Variants in RAPGEF6 observed in about 807,000 individuals in gnomAD.
RAPGEF6 encodes Rap guanine nucleotide exchange factor 6.
A neutral mutation model predicts 171.4 loss-of-function variants in RAPGEF6; 56 were observed. That is an observed-to-expected ratio of 0.33 (90% confidence interval 0.26 to 0.41). The LOEUF is 0.41. Ranked by LOEUF, RAPGEF6 falls within the 10% of genes least tolerant of loss-of-function variation. The pLI is 1.00. For synonymous variants in RAPGEF6, 692 were observed against 650.1 expected (o/e 1.06, Z -0.98); for missense variants, 1,674 against 1,921.4 (o/e 0.87, Z 2.41).
At chr5:131,565,078 T>A (rs962717023) in intron 4 of RAPGEF6, among the ~76,000 whole-genome samples, 11 of 152,172 alleles carry the variant, frequency 7.2e-5, no homozygotes, top group Non-Finnish European at 1.5e-4. Flanking sequence ...GGCACTAATA[T>A]AAACTCTCAA....
At chr5:131,569,460 G>A (rs774207496) in intron 4 of RAPGEF6, among the ~76,000 whole-genome samples, 13 of 151,892 alleles carry the variant, frequency 8.6e-5, no homozygotes, top group Non-Finnish European at 1.8e-4. Context: ...GCAATTCAAT[G>A]GGGAAAAAAA....
chr5:131,491,746 G>C (rs922041575), intron 14 of RAPGEF6, among the ~76,000 whole-genome samples: 9 of 152,162 alleles, frequency 5.9e-5, no homozygotes, highest in African/African-American at 1.9e-4. Flanking sequence ...CTGAATGCCT[G>C]ATGACCTGAG....
intron 1 of RAPGEF6, among the ~76,000 whole-genome samples, chr5:131,630,515 T>C (rs923432175): frequency 7.2e-5 from 11 of 152,222 alleles, no homozygotes; most frequent in African/African-American, 2.7e-4. Context: ...TAATTGTCCA[T>C]GGAGTATTTA....
At chr5:131,484,742 T>C (rs1755757567) in intron 15 of RAPGEF6, among the ~76,000 whole-genome samples, 1 of 152,116 alleles carries the variant, frequency 6.6e-6, no homozygotes, top group Non-Finnish European at 1.5e-5. Context: ...CAGATTATGG[T>C]AATAATAGAA....
chr5:131,439,800 T>C, intron 23 of RAPGEF6, 85 bp from the exon 24 acceptor site: 17 of 1,529,120 alleles, frequency 1.1e-5, no homozygotes, highest in Non-Finnish European at 1.5e-5. Context: ...TAACTAACAC[T>C]ATGATGCACA....
chr5:131,597,635 T>A (rs1763979063), intron 3 of RAPGEF6, among the ~76,000 whole-genome samples: 1 of 152,054 alleles, frequency 6.6e-6, no homozygotes, highest in African/African-American at 2.4e-5. Flanking sequence ...CACTTATACG[T>A]GGAATCTAAA....
At chr5:131,618,957 C>A (rs1174653628) in intron 1 of RAPGEF6, among the ~76,000 whole-genome samples, 4 of 150,702 alleles carry the variant, frequency 2.7e-5, no homozygotes, top group African/African-American at 9.8e-5. Flanking sequence ...TTAATCTAAT[C>A]ATGAGAAAAC....
At chr5:131,562,141 G>A (rs1319365907) in intron 4 of RAPGEF6, 94 bp from the exon 5 acceptor site, 18 of 789,358 alleles carry the variant, frequency 2.3e-5, no homozygotes, top group Non-Finnish European at 3.4e-5. Context: ...AAAAAGCCCT[G>A]AGATATTATC....
intron 1 of RAPGEF6, among the ~76,000 whole-genome samples, chr5:131,623,427 C>A (rs1478613491): frequency 6.6e-6 from 1 of 151,492 alleles, no homozygotes; most frequent in Non-Finnish European, 1.5e-5. Context: ...AAATATTAGA[C>A]CAGTAGAAAT....
rs1021034526 is a variant in RAPGEF6 at position 131,433,652 on chromosome 5, G to A, written c.3752C>T (p.Thr1251Ile). The A allele has an allele frequency of 5.0e-6, 8 of 1,602,276 alleles. No homozygotes were observed. The African/African-American group carries it at 8.0e-5, about 16-fold the overall frequency. Reference protein sequence around the residue: ...SPQGSPHKGYTLIPSAKSDNL... With the variant: ...SPQGSPHKGYILIPSAKSDNL... ...GTCAGATTTAGCTGATGGAATAAGT[G>A]TGTAACCTGAACAAGAAAAGAGCAC... is the stretch of plus-strand genomic sequence containing the variant. Residue 1251 changes from threonine (T) to isoleucine (I), a missense_variant, in exon 25 of 28, where the codon ACA becomes ATA. Around this residue, in one of 3 missense-constraint regions of RAPGEF6, gnomAD observed 552 missense variants for 574.2 expected, o/e 0.96. Transcript: ENST00000509018.
chr5:131,580,494 C>G (rs193088076), intron 4 of RAPGEF6, among the ~76,000 whole-genome samples: 1 of 152,262 alleles, frequency 6.6e-6, no homozygotes. Context: ...AGTGCAGCGG[C>G]GGGCTGAAGG....
intron 3 of RAPGEF6, among the ~76,000 whole-genome samples, chr5:131,592,703 G>A (rs752718332): frequency 2.0e-4 from 31 of 152,188 alleles, no homozygotes; most frequent in Admixed American, 5.2e-4. Context: ...TACTTAAAGT[G>A]AATAAAGTAT....
At chr5:131,617,324 T>C (rs1303468777) in intron 1 of RAPGEF6, among the ~76,000 whole-genome samples, 2 of 152,132 alleles carry the variant, frequency 1.3e-5, no homozygotes, top group African/African-American at 2.4e-5. Flanking sequence ...AAACCCAATT[T>C]GGACTCTGGA....
intron 4 of RAPGEF6, among the ~76,000 whole-genome samples, chr5:131,586,465 T>C (rs1241594568): frequency 6.6e-6 from 1 of 152,180 alleles, no homozygotes; most frequent in Non-Finnish European, 1.5e-5. Context: ...ACCCTGTCTC[T>C]ACTAAAAATA....
intron 5 of RAPGEF6, among the ~76,000 whole-genome samples, chr5:131,558,387 C>T (rs1761376425): frequency 6.6e-6 from 1 of 151,984 alleles, no homozygotes; most frequent in African/African-American, 2.4e-5. Flanking sequence ...TTTTGATTAT[C>T]TTTGACGGGT....
intron 15 of RAPGEF6, among the ~76,000 whole-genome samples, chr5:131,481,850 C>T (rs1755507379): frequency 6.6e-6 from 1 of 152,168 alleles, no homozygotes; most frequent in South Asian, 2.1e-4. Flanking sequence ...TTACATACAG[C>T]TTTGAGCAGT....
chr5:131,549,762 T>C, intron 5 of RAPGEF6, among the ~76,000 whole-genome samples: 1 of 152,180 alleles, frequency 6.6e-6, no homozygotes, highest in Admixed American at 6.5e-5. Context: ...AGCACAGGTT[T>C]ATTACGCAGG....
chr5:131,498,704 G>C, intron 11 of RAPGEF6, 97 bp from the exon 12 acceptor site: 1 of 1,126,990 alleles, frequency 8.9e-7, no homozygotes, highest in African/African-American at 1.6e-5. Context: ...TACTCCATTA[G>C]ACAAATCGTC....
Position 131,510,502 on chromosome 5 carries a change from A to T in RAPGEF6, c.628-11T>A, listed in dbSNP as rs1456462739. 4 of 1,608,028 alleles carry T rather than the reference A, an allele frequency of 2.5e-6. No homozygotes were observed. Among genetic ancestry groups the T allele is most frequent in the Non-Finnish European group, 3.4e-6 (4 of 1,177,676 alleles). On this transcript the variant is annotated splice_polypyrimidine_tract_variant and intron_variant, in intron 7 of 27. Transcript: ENST00000509018. ...CTCACTCTCCGTAGCCTATGAAAAG[A>T]AATCTTGATCACTTACCATTTCATG...
Sources: gnomAD v4.1 joint callset for allele counts (sites outside exome capture counted in the v4.1 genomes callset) on GRCh38, gnomAD v4.1.1 for gene constraint, gnomAD v4.1.1 regional missense constraint, MANE v1.5 for transcripts, NCBI Gene and HGNC (gene_info 2026-07-23, HGNC 2026-07-21) for gene names.